Variants in MYH9 observed in about 807,000 individuals in gnomAD.
MYH9 encodes myosin-9.
MYH9 carries 29 observed loss-of-function variants against 241.9 expected under a neutral mutation model. That is an observed-to-expected ratio of 0.12 (90% CI 0.09 to 0.16). The LOEUF (loss-of-function observed/expected upper bound fraction) is 0.16. Among genes scored for constraint, MYH9 ranks in the 10% least tolerant of loss-of-function variants. The pLI, the probability that MYH9 is intolerant of heterozygous loss-of-function variation, is 1.00. For missense variants in MYH9, 1,803 were observed against 2,595.5 expected, an observed-to-expected ratio of 0.69 and a Z score of 6.63; for synonymous variants, 1,047 against 1,062.6, an observed-to-expected ratio of 0.99 and a Z score of 0.29.
Position 36,322,662 on chromosome 22 carries a change from T to G in MYH9, c.613-141A>C, listed in dbSNP as rs117877065. 189 of 790,026 alleles carry G rather than the reference T, an allele frequency of 2.4e-4. 2 individuals carry two copies. In the South Asian group the frequency reaches 2.4e-3, roughly 10 times the overall value. 48.9% of individuals were successfully genotyped at this position (790,026 alleles called of 1,614,324 possible). On this transcript the variant is annotated intron_variant, in intron 5 of 40. Coordinates refer to ENST00000216181, the MANE Select transcript of MYH9 (RefSeq NM_002473.6). The stretch of plus-strand genomic sequence containing the variant: ...ACAGAGGTTTCCGGGTGGGCTCCAG[T>G]GTGCGACTCCAACCAAGGCCAGGCC...
Position 36,292,136 on chromosome 22 carries a change from G to C in MYH9, c.4194C>G (p.Ser1398Arg). 6.2e-7 allele frequency: 1 copy of C among 1,614,166 alleles called. No homozygotes were observed. The highest frequency in any genetic ancestry group is 8.5e-7 in the Non-Finnish European group (1 of 1,180,042). Residue 1398 changes from serine to arginine, a missense_variant, in exon 31 of 41, where the codon AGC becomes AGG. By Grantham distance (110) the Ser-to-Arg change is moderately radical (BLOSUM62 -1). Transcript: ENST00000216181. ...CGGCCACCTTCTCCTCGTGCCGCTG[G>C]CTCAGGCCCTCCAGGTCCTTCTGGA... is the stretch of plus-strand genomic sequence containing the variant. ...RKLQKDLEGL[S>R]QRHEEKVAAY...
intron 35 of MYH9, among the ~76,000 whole-genome samples, chr22:36,286,388 A>C (rs565428254): frequency 1.3e-5 from 2 of 152,266 alleles, no homozygotes; most frequent in African/African-American, 2.4e-5. Flanking sequence ...GAAACACTTC[A>C]GGACGGGCTC....
Position 36,295,374 on chromosome 22 carries a change from A to G in MYH9, c.3485+131T>C. 1 of 802,476 alleles carries G rather than the reference A, an allele frequency of 1.2e-6. No individual in the cohort carries two copies. The highest frequency in any genetic ancestry group is 1.5e-5 in the South Asian group (1 of 67,494). 49.7% of individuals were successfully genotyped at this position (802,476 alleles called of 1,614,324 possible). A position where few individuals can be genotyped will look rare whatever the true frequency, so the allele number is the denominator to read the frequency against. ...AACCGCTGAGGAACCAGCAGCTTCC[A>G]TGCCTGCTGGTGCCTAAGAGGGCCA... On this transcript the variant is annotated intron_variant, in intron 26 of 40. Coordinates refer to ENST00000216181, the MANE Select transcript of MYH9 (RefSeq NM_002473.6). The surrounding 1 kb of genome is among the most constrained non-coding windows in gnomAD (Gnocchi z 4.1).
intron 2 of MYH9, among the ~76,000 whole-genome samples, chr22:36,344,913 C>T (rs185052540): frequency 1.3e-3 from 194 of 152,320 alleles, no homozygotes; most frequent in Non-Finnish European, 2.1e-3. Context: ...CAATAAAGAG[C>T]CAAGGAGAGA....
intron 5 of MYH9, among the ~76,000 whole-genome samples, chr22:36,324,581 G>A (rs974566239): frequency 2.6e-5 from 4 of 152,268 alleles, no homozygotes; most frequent in Non-Finnish European, 5.9e-5. Flanking sequence ...CAACCCCTCT[G>A]CTGGTGTTGG....
intron 15 of MYH9, 42 bp downstream of exon 15, chr22:36,309,240 C>G (rs373832777): frequency 6.5e-7 from 1 of 1,544,094 alleles, no homozygotes; most frequent in Admixed American, 1.7e-5. Flanking sequence ...GATGACCAGC[C>G]GCAGCCAAGA....
chr22:36,349,104 T>G lies in MYH9; in HGVS notation c.133A>C (p.Ser45Arg). The G allele has an allele frequency of 1.2e-6, 2 of 1,614,246 alleles. No individual in the cohort carries two copies. The highest frequency in any genetic ancestry group is 1.7e-6 in the Non-Finnish European group (2 of 1,180,050). ...PSDKSGFEPASLKEEVGEEAI... is the reference protein window; with the variant it reads ...PSDKSGFEPARLKEEVGEEAI... ...TCTTCGCCCACCTCCTCCTTGAGGCTGGCTGGCTCAAAGCCACTCTTGTCG... is the reference window on the plus strand; with the variant it reads ...TCTTCGCCCACCTCCTCCTTGAGGCGGGCTGGCTCAAAGCCACTCTTGTCG... Residue 45 changes from serine to arginine, a missense_variant, in exon 2 of 41, where the codon AGC becomes CGC. By Grantham distance (110) the Ser-to-Arg change is moderately radical. This residue lies in a region of MYH9 where 75 missense variants were observed against 79.1 expected (regional missense o/e 0.95). Coordinates refer to ENST00000216181, the MANE Select transcript of MYH9 (RefSeq NM_002473.6).
In MYH9 at chr22:36,294,963, T is replaced by G. The variant is rs1438334482; in HGVS notation, c.3599A>C (p.Glu1200Ala). The G allele has an allele frequency of 6.2e-7, 1 of 1,614,086 alleles. No homozygotes were observed. Among genetic ancestry groups the G allele is most frequent in the Non-Finnish European group, 8.5e-7 (1 of 1,180,032 alleles). ...MRQKHSQAVEELAEQLEQTKR... is the reference protein window; with the variant it reads ...MRQKHSQAVEALAEQLEQTKR... ...CGTCTGCTCCAGCTGCTCCGCCAGC[T>G]CCTCCACGGCCTGTGAGTGCTTCTG... Residue 1200 changes from glutamate (E) to alanine (A), a missense_variant, in exon 27 of 41, where the codon GAG becomes GCG. Coordinates refer to ENST00000216181, the MANE Select transcript of MYH9 (RefSeq NM_002473.6).
rs1437149882 is a variant in MYH9, at chr22:36,285,347, G to A, written c.5275-18C>T. 1 of 1,604,628 alleles carries A rather than the reference G, an allele frequency of 6.2e-7. No homozygotes were observed. Among genetic ancestry groups the A allele is most frequent in the Admixed American group, 1.7e-5 (1 of 60,026 alleles). On this transcript the variant is annotated intron_variant, in intron 37 of 40. Transcript: ENST00000216181. The surrounding 1 kb of genome is among the most constrained non-coding windows in gnomAD (Gnocchi z 7.0). ...TGGTCGATCTGCAGAAGAAGGGCCAGTGACCTTGGGGAGGGCTGGGGCCCT... is the reference window on the plus strand; with the variant it reads ...TGGTCGATCTGCAGAAGAAGGGCCAATGACCTTGGGGAGGGCTGGGGCCCT...
intron 3 of MYH9, among the ~76,000 whole-genome samples, chr22:36,338,220 A>G (rs1213039714): frequency 6.6e-6 from 1 of 151,782 alleles, no homozygotes; most frequent in African/African-American, 2.4e-5. Context: ...GACTGGTCTC[A>G]AACTCCTGAC....
Position 36,284,393 on chromosome 22 carries a change from G to T in MYH9, c.5592+10C>A. The T allele has an allele frequency of 6.2e-7, 1 of 1,611,468 alleles. No homozygotes were observed. On this transcript the variant is annotated intron_variant, in intron 39 of 40. Coordinates refer to ENST00000216181, the MANE Select transcript of MYH9 (RefSeq NM_002473.6). Reference sequence around the variant, plus strand: ...CGCTGCCCTTCTCACTGCCCCACCAGCGCCCACACCTGGTCCTTGTACTGC... The same window carrying T: ...CGCTGCCCTTCTCACTGCCCCACCATCGCCCACACCTGGTCCTTGTACTGC...
intron 21 of MYH9, 42 bp downstream of exon 21, chr22:36,301,492 G>C (rs1340266490): frequency 1.9e-6 from 3 of 1,610,156 alleles, no homozygotes; most frequent in Middle Eastern, 1.7e-4. Flanking sequence ...GGCAGCACCA[G>C]GCAGGTCGTG....
intron 24 of MYH9, among the ~76,000 whole-genome samples, 181 bp downstream of exon 24, chr22:36,298,738 A>C (rs2016827501): frequency 6.6e-6 from 1 of 152,196 alleles, no homozygotes; most frequent in Non-Finnish European, 1.5e-5. Flanking sequence ...CAGGCACCAG[A>C]CACGGCTCCC....
Position 36,321,746 on chromosome 22 carries a change from C to G in MYH9, c.769+12G>C, listed in dbSNP as rs2146364507. 2 of 1,613,400 alleles carry G rather than the reference C, an allele frequency of 1.2e-6. No homozygotes were observed. The highest frequency in any genetic ancestry group is 2.7e-5 in the African/African-American group (2 of 75,042). ...GATCCAGGACTCTTATCCCAACGAACCACAAGGATACAAGTCTCAATGTTG... is the reference window on the plus strand; with the variant it reads ...GATCCAGGACTCTTATCCCAACGAAGCACAAGGATACAAGTCTCAATGTTG... On this transcript the variant is annotated intron_variant, in intron 7 of 40. Coordinates refer to ENST00000216181, the MANE Select transcript of MYH9 (RefSeq NM_002473.6).
At chr22:36,287,844 G>C (rs957303658) in intron 34 of MYH9, among the ~76,000 whole-genome samples, 1 of 152,228 alleles carries the variant, frequency 6.6e-6, no homozygotes, top group African/African-American at 2.4e-5. Flanking sequence ...TTAATTATTA[G>C]TGAGGTGAAG....
intron 1 of MYH9, among the ~76,000 whole-genome samples, chr22:36,382,794 C>A (rs1048531363): frequency 2.0e-5 from 3 of 151,968 alleles, no homozygotes; most frequent in East Asian, 1.9e-4. Context: ...CAGAGTGAGA[C>A]CCCATCTCAA....
intron 23 of MYH9, 79 bp from the exon 24 acceptor site, chr22:36,299,121 G>T: frequency 6.3e-7 from 1 of 1,581,140 alleles, no homozygotes; most frequent in South Asian, 1.1e-5. Flanking sequence ...TGACTCGCCC[G>T]GAAATCTGGG....
chr22:36,365,942 G>A (rs1464107866), intron 1 of MYH9, among the ~76,000 whole-genome samples: 3 of 152,056 alleles, frequency 2.0e-5, no homozygotes, highest in Admixed American at 6.6e-5. Flanking sequence ...TAATCCAGGC[G>A]CTTTGGGAGG....
Position 36,298,940 on chromosome 22 carries a change from C to T in MYH9, c.3079G>A (p.Ala1027Thr), listed in dbSNP as rs745573154. The change falls in exon 24 of 41, where the codon GCA becomes ACA. Residue 1027 changes from alanine to threonine, a missense_variant. Coordinates refer to ENST00000216181, the MANE Select transcript of MYH9 (RefSeq NM_002473.6). ...TCACCTTCCAAGTCAGTGATCATTG[C>T]CTCATGCTTGTTCTTGAGCTTGGCG... ...SLAKLKNKHEAMITDLEERLR... is the reference protein window; with the variant it reads ...SLAKLKNKHETMITDLEERLR... 6.2e-7 allele frequency: 1 copy of T among 1,614,090 alleles called. No individual in the cohort carries two copies.
Sources: allele counts gnomAD v4.1 joint callset (sites outside exome capture counted in the v4.1 genomes callset), GRCh38; gene constraint gnomAD v4.1.1; regional missense constraint gnomAD v4.1.1; non-coding constraint Gnocchi (gnomAD v3.1); transcripts MANE v1.5; gene names NCBI Gene and HGNC (gene_info 2026-07-23, HGNC 2026-07-21).